NCKAP5: variants seen among roughly 807,000 people sequenced by gnomAD.
The protein encoded by NCKAP5 is NCK associated protein 5.
In NCKAP5, 92 loss-of-function variants were observed where a neutral mutation model predicts 167.0. That is an observed-to-expected ratio of 0.55 (90% CI 0.47 to 0.66). The LOEUF is 0.66. NCKAP5 is among the 30% of genes least tolerant of loss of function. NCKAP5 has a pLI of 0.00. For synonymous variants in NCKAP5, 891 were observed against 877.4 expected (o/e 1.02, Z -0.27); for missense variants, 2,378 against 2,315.0 (o/e 1.03, Z -0.56).
intron 6 of NCKAP5, among the ~76,000 whole-genome samples, chr2:133,107,453 A>C (rs185628185): frequency 4.6e-5 from 7 of 152,360 alleles, no homozygotes; most frequent in Middle Eastern, 3.4e-3. Flanking sequence ...ACTTGCAATA[A>C]AACTACACAA....
chr2:132,966,996 C>T (rs1478756162), intron 7 of NCKAP5, among the ~76,000 whole-genome samples: 2 of 152,154 alleles, frequency 1.3e-5, no homozygotes, highest in Non-Finnish European at 1.5e-5. Context: ...TCCATCTCAG[C>T]TAGTAACGTG....
chr2:132,745,921 T>C (rs1679600510), intron 16 of NCKAP5, among the ~76,000 whole-genome samples: 1 of 152,034 alleles, frequency 6.6e-6, no homozygotes, highest in African/African-American at 2.4e-5. Context: ...GAGATAAATT[T>C]AAAGAATACT....
the NCKAP5 span, among the ~76,000 whole-genome samples, chr2:133,640,774 A>C: frequency 6.6e-6 from 1 of 152,230 alleles, no homozygotes; most frequent in Non-Finnish European, 1.5e-5. Flanking sequence ...AAATCTCTTA[A>C]AGAATTACTG....
intron 16 of NCKAP5, among the ~76,000 whole-genome samples, chr2:132,771,294 T>C (rs552618812): frequency 2.2e-4 from 34 of 152,124 alleles, no homozygotes; most frequent in Non-Finnish European, 4.4e-4. Context: ...TCTTCGTTTT[T>C]AACAAAAAAT....
chr2:133,063,452 G>C (rs2149523852), intron 6 of NCKAP5, among the ~76,000 whole-genome samples: 1 of 152,256 alleles, frequency 6.6e-6, no homozygotes, highest in East Asian at 1.9e-4. Flanking sequence ...GGTAGGAAGA[G>C]TTCACACAGC....
At chr2:132,684,170 A>G (rs1434747345) in intron 19 of NCKAP5, among the ~76,000 whole-genome samples, 1 of 152,248 alleles carries the variant, frequency 6.6e-6, no homozygotes, top group Non-Finnish European at 1.5e-5. Flanking sequence ...TAATTTTTAA[A>G]TTAATGTAGA....
chr2:133,207,856 A>G (rs2086024078), intron 5 of NCKAP5, among the ~76,000 whole-genome samples: 1 of 152,214 alleles, frequency 6.6e-6, no homozygotes, highest in African/African-American at 2.4e-5. Flanking sequence ...AATTCAAAAT[A>G]ATTTCTGTAG....
chr2:133,328,041 T>A (rs1682574869), intron 3 of NCKAP5, among the ~76,000 whole-genome samples: 1 of 152,098 alleles, frequency 6.6e-6, no homozygotes, highest in Admixed American at 6.6e-5. Flanking sequence ...TCTTCAGAGC[T>A]TAATGATCAT....
At chr2:132,957,356 A>T (rs72994874) in intron 8 of NCKAP5, among the ~76,000 whole-genome samples, 1,825 of 152,242 alleles carry the variant, frequency 0.012, 38 homozygotes, top group African/African-American at 0.042. Flanking sequence ...TACTTCTGAA[A>T]TATATTATCT....
chr2:133,060,375 A>T (rs1166630460), intron 6 of NCKAP5, among the ~76,000 whole-genome samples: 1 of 152,214 alleles, frequency 6.6e-6, no homozygotes, highest in Admixed American at 6.5e-5. Flanking sequence ...ACCCATCATG[A>T]CACATCTCTT....
At chr2:133,641,515 G>A in the NCKAP5 span, among the ~76,000 whole-genome samples, 1 of 152,238 alleles carries the variant, frequency 6.6e-6, no homozygotes, top group Admixed American at 6.5e-5. Flanking sequence ...TTCTGGAGCA[G>A]CCCAGAGTCA....
At chr2:133,085,428 A>T (rs1210611774) in intron 6 of NCKAP5, among the ~76,000 whole-genome samples, 5 of 152,220 alleles carry the variant, frequency 3.3e-5, no homozygotes, top group African/African-American at 1.2e-4. Flanking sequence ...AGTGAAACAG[A>T]TACATAACCA....
chr2:133,121,128 C>T (rs1313620654), intron 6 of NCKAP5, among the ~76,000 whole-genome samples: 1 of 151,896 alleles, frequency 6.6e-6, no homozygotes. Context: ...ATACCGATGC[C>T]AGAAAAACAT....
intron 5 of NCKAP5, among the ~76,000 whole-genome samples, chr2:133,205,137 A>C (rs10207711): frequency 0.081 from 12,257 of 151,740 alleles, 686 homozygotes; most frequent in East Asian, 0.17. Context: ...AAAAAATTTA[A>C]AAAAAAATAG....
intron 5 of NCKAP5, among the ~76,000 whole-genome samples, chr2:133,142,703 C>T (rs2083045747): frequency 2.0e-5 from 3 of 152,114 alleles, no homozygotes; most frequent in South Asian, 2.1e-4. Flanking sequence ...TGGAAGGGTG[C>T]TTGAGGTCAC....
chr2:133,362,014 A>T (rs1414055057), intron 3 of NCKAP5, among the ~76,000 whole-genome samples: 1 of 96,728 alleles, frequency 1.0e-5, no homozygotes, highest in Non-Finnish European at 2.3e-5. Flanking sequence ...TAAAAAATGA[A>T]AAAAAAAACA....
the NCKAP5 span, among the ~76,000 whole-genome samples, chr2:133,661,902 ATAGAT>A: frequency 6.6e-6 from 1 of 152,188 alleles, no homozygotes; most frequent in South Asian, 2.1e-4. Flanking sequence ...AAGACATAGA[ATAGAT>A]AAACATCTGG....
intron 6 of NCKAP5, among the ~76,000 whole-genome samples, chr2:133,110,143 C>T (rs1244033330): frequency 6.6e-6 from 1 of 152,186 alleles, no homozygotes; most frequent in Admixed American, 6.5e-5. Flanking sequence ...TAAATGTTCT[C>T]ATTTACAGAC....
At chr2:133,444,152 G>C (rs1691031183) in intron 3 of NCKAP5, among the ~76,000 whole-genome samples, 1 of 152,052 alleles carries the variant, frequency 6.6e-6, no homozygotes, top group Non-Finnish European at 1.5e-5. Flanking sequence ...GGGCTCCAGT[G>C]GTATGTCCCA....
Sources: gnomAD v4.1 joint callset for allele counts (sites outside exome capture counted in the v4.1 genomes callset) on GRCh38, gnomAD v4.1.1 for gene constraint, MANE v1.5 for transcripts, NCBI Gene and HGNC (gene_info 2026-07-23, HGNC 2026-07-21) for gene names.